Variants in UBR2 observed in about 807,000 individuals in gnomAD.
UBR2 encodes ubiquitin protein ligase E3 component n-recognin 2.
In UBR2, 92 loss-of-function variants were observed where a neutral mutation model predicts 247.9. The observed-to-expected ratio is 0.37, with a 90% CI of 0.31 to 0.44. The LOEUF (loss-of-function observed/expected upper bound fraction) is 0.44, where lower values mean the gene tolerates loss of function less well. Ranked by LOEUF, UBR2 falls within the 20% of genes least tolerant of loss-of-function variation. The pLI, the probability that UBR2 is intolerant of heterozygous loss-of-function variation, is 1.00. For synonymous variants in UBR2, 672 were observed against 693.5 expected (o/e 0.97, Z 0.49); for missense variants, 1,613 against 2,112.6 (o/e 0.76, Z 4.64).
intron 7 of UBR2, among the ~76,000 whole-genome samples, chr6:42,611,430 C>T (rs1794077768): frequency 6.8e-6 from 1 of 147,846 alleles, no homozygotes; most frequent in South Asian, 2.2e-4. Context: ...TACTGCACTC[C>T]AGCCTGGTGA....
intron 8 of UBR2, among the ~76,000 whole-genome samples, chr6:42,613,813 A>G (rs1185399287): frequency 1.3e-5 from 2 of 152,000 alleles, no homozygotes; most frequent in African/African-American, 4.8e-5. Context: ...CAGCTTTTAT[A>G]ATTGAAAGTT....
At position 42,670,214 on chromosome 6, in the gene UBR2, G is replaced by A; in HGVS notation, c.4004G>A (p.Ser1335Asn). ...DPRVPIMCWGSCAYTIQSIER... is the reference protein window; with the variant it reads ...DPRVPIMCWGNCAYTIQSIER... The stretch of plus-strand genomic sequence containing the variant: ...CGTGTTCCCATAATGTGTTGGGGTA[G>A]CTGCGCGTACACCATCCAAAGCATA... Residue 1335 changes from serine to asparagine, a missense_variant, in exon 35 of 47, where the codon AGC becomes AAC. This residue lies in a region of UBR2 where 1,524 missense variants were observed against 1,967.3 expected (regional missense o/e 0.77). Coordinates refer to ENST00000372901, the MANE Select transcript of UBR2 (RefSeq NM_001363705.2). The A allele has an allele frequency of 6.2e-7, 1 of 1,614,170 alleles. No individual in the cohort carries two copies. The highest frequency in any genetic ancestry group is 8.5e-7 in the Non-Finnish European group (1 of 1,180,002).
intron 8 of UBR2, 88 bp from the exon 9 acceptor site, chr6:42,614,983 T>G (rs1794445905): frequency 9.6e-7 from 1 of 1,043,710 alleles, no homozygotes; most frequent in Admixed American, 2.8e-5. Flanking sequence ...CATTTAAAAC[T>G]CTACAGATCC....
Position 42,688,215 on chromosome 6 carries a change from G to T in UBR2, c.4854-1G>T. 1 of 1,614,120 alleles carries T rather than the reference G, an allele frequency of 6.2e-7. No homozygotes were observed. Among genetic ancestry groups the T allele is most frequent in the Non-Finnish European group, 8.5e-7 (1 of 1,180,032 alleles). On this transcript the variant is annotated splice_acceptor_variant, in intron 44 of 46. Coordinates refer to ENST00000372901, the MANE Select transcript of UBR2 (RefSeq NM_001363705.2). LOFTEE classifies it high-confidence loss of function. ...ACTTGTGGGTTTTTTATCCCTTGGA[G>T]GTGCCCGAAATCAGGTGGTGATAAG...
chr6:42,640,696 G>A (rs896270500), intron 16 of UBR2, among the ~76,000 whole-genome samples: 1 of 151,896 alleles, frequency 6.6e-6, no homozygotes, highest in African/African-American at 2.4e-5. Context: ...CATGTTTGGA[G>A]GGTAATCTGC....
intron 32 of UBR2, 38 bp from the exon 33 acceptor site, chr6:42,665,371 A>G (rs1798047165): frequency 3.4e-6 from 5 of 1,472,888 alleles, no homozygotes; most frequent in Admixed American, 1.9e-5. Context: ...TTAAGGAACA[A>G]TAATAAAACA....
At position 42,670,143 on chromosome 6, in the gene UBR2, T is replaced by C. The variant is rs200768877; in HGVS notation, c.3933T>C (p.Ala1311=). 5 of 1,614,202 alleles carry C rather than the reference T, an allele frequency of 3.1e-6. No homozygotes were observed. In the African/African-American group the frequency reaches 4.0e-5, roughly 13 times the overall value. ...AAATGCTAACGACATTTGGAACTGC[T>C]ACCTACAAGGTGGGACTAAAGGTTC... ...IKEMLTTFGT[A]TYKVGLKVHP... The change falls in exon 35 of 47, where the codon GCT becomes GCC. Residue 1311 remains alanine, a synonymous_variant. Transcript: ENST00000372901.
At chr6:42,629,004 CAG>C (rs751188245) in intron 11 of UBR2, among the ~76,000 whole-genome samples, 1 of 151,630 alleles carries the variant, frequency 6.6e-6, no homozygotes, top group Non-Finnish European at 1.5e-5. Flanking sequence ...GTAATATAAT[CAG>C]GGGTTTTTTT....
intron 36 of UBR2, among the ~76,000 whole-genome samples, 172 bp from the exon 37 acceptor site, chr6:42,673,619 T>C (rs1264988501): frequency 6.6e-6 from 1 of 152,230 alleles, no homozygotes; most frequent in East Asian, 1.9e-4. Flanking sequence ...CACTTAGACA[T>C]TTCCCATTCC....
chr6:42,616,073 G>A lies in UBR2; in HGVS notation c.1165G>A (p.Ala389Thr). The A allele has an allele frequency of 2.5e-6, 4 of 1,607,020 alleles. No individual in the cohort carries two copies. The East Asian group carries it at 6.7e-5, about 27-fold the overall frequency. ...LMDLKYKKLF[A>T]VRFAKNYERL... ...GGATTTGAAATACAAGAAACTATTT[G>A]CTGTTCGATTTGCAAAAGTAAGTGG... Residue 389 changes from alanine (A) to threonine (T), a missense_variant, in exon 10 of 47, where the codon GCT (alanine) becomes ACT (threonine). By Grantham distance (58) the Ala-to-Thr change is moderately conservative (BLOSUM62 0). Coordinates refer to ENST00000372901, the MANE Select transcript of UBR2 (RefSeq NM_001363705.2).
rs544246875 is a variant in UBR2 at position 42,593,323 on chromosome 6, A to G, written c.418-868A>G. Among the ~76,000 whole-genome samples, 3 of 152,246 alleles carry G rather than the reference A, an allele frequency of 2.0e-5. No individual in the cohort carries two copies. The South Asian group carries it at 6.2e-4, about 32-fold the overall frequency. On this transcript the variant is annotated intron_variant, in intron 3 of 46. Coordinates refer to ENST00000372901, the MANE Select transcript of UBR2 (RefSeq NM_001363705.2). Reference sequence around the variant, plus strand: ...TTGGTAACTGAAACAAGCACGTGTCATTTTCCAAATGACTCCTACCCACAT... The same window carrying G: ...TTGGTAACTGAAACAAGCACGTGTCGTTTTCCAAATGACTCCTACCCACAT...
In UBR2 at chr6:42,663,336, C is replaced by T. The variant is rs747006957; in HGVS notation, c.3615C>T (p.Asn1205=). 1.8e-5 allele frequency: 29 copies of T among 1,613,580 alleles called. No individual in the cohort carries two copies. The highest frequency in any genetic ancestry group is 8.0e-5 in the African/African-American group (6 of 74,868). The change falls in exon 32 of 47, where the codon AAC becomes AAT. Residue 1205 remains asparagine (N), a synonymous_variant. Transcript: ENST00000372901. ...TACATACGAGCTATGATGTAGAAAA[C>T]GGAGAATTCCTTTGCCCCCTTTGTG... is the stretch of plus-strand genomic sequence containing the variant. ...LRLHTSYDVE[N]GEFLCPLCEC...
intron 13 of UBR2, among the ~76,000 whole-genome samples, chr6:42,633,920 G>C (rs1293268498): frequency 7.0e-6 from 1 of 143,494 alleles, no homozygotes; most frequent in African/African-American, 2.6e-5. Context: ...TAGTAGAGAC[G>C]AGGTTTCACC....
rs184182027 is a variant in UBR2, at chr6:42,641,750, T to C, written c.2031+58T>C. ...ATTCCATTCTTGGCTTCTGTGAAGG[T>C]TGTAATTTTCAGTGGACTTAGTCAG... On this transcript the variant is annotated intron_variant, in intron 17 of 46. Coordinates refer to ENST00000372901, the MANE Select transcript of UBR2 (RefSeq NM_001363705.2). The C allele has an allele frequency of 5.5e-6, 8 of 1,451,322 alleles. No homozygotes were observed. The Admixed American group carries it at 1.3e-4, about 24-fold the overall frequency. The allele number at this position is 1,451,322 out of a possible 1,614,324, so 89.9% of individuals were successfully genotyped here.
intron 3 of UBR2, 32 bp from the exon 4 acceptor site, chr6:42,594,159 A>G: frequency 2.0e-6 from 3 of 1,513,716 alleles, no homozygotes; most frequent in Non-Finnish European, 2.7e-6. Flanking sequence ...GTAAATATTT[A>G]TTGACAAGAT....
At chr6:42,610,309 A>G (rs1308645402) in intron 7 of UBR2, among the ~76,000 whole-genome samples, 1 of 152,238 alleles carries the variant, frequency 6.6e-6, no homozygotes, top group Non-Finnish European at 1.5e-5. Flanking sequence ...TAGAATTACC[A>G]TGTGATCCAG....
intron 16 of UBR2, 86 bp downstream of exon 16, chr6:42,640,356 G>A: frequency 8.7e-7 from 1 of 1,143,092 alleles, no homozygotes; most frequent in Non-Finnish European, 1.2e-6. Context: ...TTTTAGTTTG[G>A]GTTCTCCAGA....
intron 6 of UBR2, 129 bp downstream of exon 6, chr6:42,605,988 T>A: frequency 1.2e-6 from 1 of 859,888 alleles, no homozygotes; most frequent in African/African-American, 1.7e-5. Context: ...GTCATGCCTG[T>A]AATCTCAGCA....
intron 2 of UBR2, among the ~76,000 whole-genome samples, chr6:42,588,524 GCATAGTGGCT>G (rs1792440573): frequency 6.6e-6 from 1 of 152,146 alleles, no homozygotes; most frequent in Admixed American, 6.5e-5. Context: ...AAATAGCCAG[GCATAGTGGCT>G]TGAGCCAGTA....
Sources: allele counts gnomAD v4.1 joint callset (sites outside exome capture counted in the v4.1 genomes callset), GRCh38; gene constraint gnomAD v4.1.1; regional missense constraint gnomAD v4.1.1; transcripts MANE v1.5; gene names NCBI Gene and HGNC (gene_info 2026-07-23, HGNC 2026-07-21).